Variants in NPEPPS observed in about 807,000 individuals in gnomAD.
NPEPPS encodes the protein puromycin-sensitive aminopeptidase.
NPEPPS carries 14 observed loss-of-function variants against 115.5 expected under a neutral mutation model. The observed-to-expected ratio is 0.12, with a 90% CI of 0.08 to 0.19. NPEPPS has a LOEUF of 0.19. NPEPPS is among the 10% of genes least tolerant of loss of function. NPEPPS has a pLI of 1.00. For missense variants in NPEPPS, 523 were observed against 1,110.8 expected (o/e 0.47, Z 7.52); for synonymous variants, 285 against 390.6 (o/e 0.73, Z 3.19).
At chr17:47,523,829 G>C (rs565330512) in intron 1 of NPEPPS, among the ~76,000 whole-genome samples, 15 of 152,246 alleles carry the variant, frequency 9.9e-5, no homozygotes, top group African/African-American at 3.4e-4. Context: ...GGGAAACTGA[G>C]GCAGAGAATT....
intron 13 of NPEPPS, among the ~76,000 whole-genome samples, chr17:47,597,667 C>G (rs1306204850): frequency 6.6e-6 from 1 of 152,122 alleles, no homozygotes; most frequent in Admixed American, 6.6e-5. Flanking sequence ...GCACACCCAG[C>G]CAAAGCCAAG....
intron 2 of NPEPPS, among the ~76,000 whole-genome samples, chr17:47,556,906 T>G (rs1180827966): frequency 6.6e-6 from 1 of 152,224 alleles, no homozygotes; most frequent in Admixed American, 6.5e-5. Flanking sequence ...TCTCCCAAAG[T>G]GCCGGGATTA....
At chr17:47,588,283 C>A (rs1413841029) in intron 9 of NPEPPS, among the ~76,000 whole-genome samples, 1 of 151,944 alleles carries the variant, frequency 6.6e-6, no homozygotes, top group Non-Finnish European at 1.5e-5. Context: ...AATTTCAGGC[C>A]GGGCACGGTG....
Position 47,596,395 on chromosome 17 carries a change from T to G in NPEPPS, c.1469T>G (p.Ile490Arg), listed in dbSNP as rs770562706. ...TTAGAAAATGCTAGTGGTAAACCTA[T>G]AGCAGCTGTGATGAATACCTGGACC... ...ESLENASGKP[I>R]AAVMNTWTKQ... is the part of the protein sequence containing the mutation. The change falls in exon 13 of 23, where the codon ATA becomes AGA. Residue 490 changes from isoleucine (I) to arginine (R), a missense_variant. By Grantham distance (97) the Ile-to-Arg change is moderately conservative (BLOSUM62 -3). Around this residue, in one of 4 missense-constraint regions of NPEPPS, gnomAD observed 372 missense variants for 542.6 expected, o/e 0.69. Coordinates refer to ENST00000322157, the MANE Select transcript of NPEPPS (RefSeq NM_006310.4). The G allele has an allele frequency of 6.3e-7, 1 of 1,598,122 alleles. No homozygotes were observed. Among genetic ancestry groups the G allele is most frequent in the Non-Finnish European group, 8.5e-7 (1 of 1,171,854 alleles).
intron 17 of NPEPPS, among the ~76,000 whole-genome samples, chr17:47,611,048 T>A (rs1350653231): frequency 2.0e-5 from 3 of 150,012 alleles, no homozygotes; most frequent in African/African-American, 7.4e-5. Flanking sequence ...GAGACAGGGT[T>A]TCACCATGTT....
At position 47,623,049 on chromosome 17, in the gene NPEPPS, G is replaced by T; in HGVS notation, c.*1129G>T. The stretch of plus-strand genomic sequence containing the variant: ...AAGCCTCACCTATTTAATCCAATGA[G>T]TTTTAAATCTAAATCTCATTCCCTT... On this transcript the variant is annotated 3_prime_UTR_variant, in exon 23 of 23. Coordinates refer to ENST00000322157, the MANE Select transcript of NPEPPS (RefSeq NM_006310.4). The T allele has an allele frequency of 6.1e-6, 2 of 326,796 alleles. No individual in the cohort carries two copies. The highest frequency in any genetic ancestry group is 1.2e-5 in the Non-Finnish European group (2 of 165,122). The allele number at this position is 326,796 out of a possible 1,614,324, so 20.2% of individuals were successfully genotyped here. A position where few individuals can be genotyped will look rare whatever the true frequency, so the allele number is the denominator to read the frequency against.
intron 17 of NPEPPS, among the ~76,000 whole-genome samples, chr17:47,606,229 G>A (rs898854513): frequency 6.6e-6 from 1 of 151,994 alleles, no homozygotes; most frequent in Non-Finnish European, 1.5e-5. Context: ...TTTTAATTAA[G>A]GAAATTATTT....
At position 47,533,242 on chromosome 17, in the gene NPEPPS, A is replaced by G. The variant is rs541710737; in HGVS notation, c.255+1687A>G. Among the ~76,000 whole-genome samples, 33 of 152,286 alleles carry G rather than the reference A, an allele frequency of 2.2e-4. No homozygotes were observed. In the South Asian group the frequency reaches 6.8e-3, roughly 32 times the overall value. On this transcript the variant is annotated intron_variant, in intron 1 of 22. Coordinates refer to ENST00000322157, the MANE Select transcript of NPEPPS (RefSeq NM_006310.4). Reference sequence around the variant, plus strand: ...GGCTCTAGGATTTGGCAGCATCAAAAGGCAGAACTTAGTGAAAATCAGGTG... The same window carrying G: ...GGCTCTAGGATTTGGCAGCATCAAAGGGCAGAACTTAGTGAAAATCAGGTG...
At chr17:47,545,822 C>T in intron 1 of NPEPPS, 87 bp from the exon 2 acceptor site, 2 of 1,468,408 alleles carry the variant, frequency 1.4e-6, no homozygotes, top group Non-Finnish European at 1.8e-6. Context: ...GCTGGGATTA[C>T]AGGTGTGTGC....
At chr17:47,543,464 C>T (rs1404044644) in intron 1 of NPEPPS, among the ~76,000 whole-genome samples, 17 of 149,804 alleles carry the variant, frequency 1.1e-4, no homozygotes, top group Non-Finnish European at 2.1e-4. Flanking sequence ...ATTACAGGCG[C>T]GCACCACAGG....
chr17:47,557,240 G>A (rs1243750339), intron 2 of NPEPPS, among the ~76,000 whole-genome samples: 1 of 151,908 alleles, frequency 6.6e-6, no homozygotes, highest in Non-Finnish European at 1.5e-5. Flanking sequence ...ACCACACCCA[G>A]CTAATTTTTG....
At chr17:47,597,364 A>C (rs992094496) in intron 13 of NPEPPS, among the ~76,000 whole-genome samples, 1 of 152,234 alleles carries the variant, frequency 6.6e-6, no homozygotes, top group Non-Finnish European at 1.5e-5. Flanking sequence ...ACTCGGTTTC[A>C]TTAAATGAAA....
chr17:47,563,908 G>A (rs1248410129), intron 2 of NPEPPS, among the ~76,000 whole-genome samples: 1 of 150,560 alleles, frequency 6.6e-6, no homozygotes, highest in African/African-American at 2.4e-5. Flanking sequence ...GAACTGTGCT[G>A]TGTGTTTTAT....
chr17:47,623,040 A>T lies in NPEPPS; in HGVS notation c.*1120A>T. ...TATCCTAATAAGCCTCACCTATTTA[A>T]TCCAATGAGTTTTAAATCTAAATCT... is the stretch of plus-strand genomic sequence containing the variant. On this transcript the variant is annotated 3_prime_UTR_variant, in exon 23 of 23. Transcript: ENST00000322157. 1 of 359,058 alleles carries T rather than the reference A, an allele frequency of 2.8e-6. No individual in the cohort carries two copies. The highest frequency in any genetic ancestry group is 5.5e-6 in the Non-Finnish European group (1 of 181,524). 22.2% of individuals were successfully genotyped at this position (359,058 alleles called of 1,614,324 possible). A position where few individuals can be genotyped will look rare whatever the true frequency, so the allele number is the denominator to read the frequency against.
At chr17:47,570,278 C>G (rs1047542507) in intron 3 of NPEPPS, among the ~76,000 whole-genome samples, 1 of 151,932 alleles carries the variant, frequency 6.6e-6, no homozygotes, top group African/African-American at 2.4e-5. Flanking sequence ...CAAAAATTAC[C>G]CAGTGTGGTG....
intron 2 of NPEPPS, among the ~76,000 whole-genome samples, chr17:47,568,695 G>C (rs1309444182): frequency 6.6e-6 from 1 of 151,416 alleles, no homozygotes; most frequent in Admixed American, 6.6e-5. Context: ...CTCTGTTGTT[G>C]TTTAGGCTGG....
At chr17:47,541,106 C>G (rs887871372) in intron 1 of NPEPPS, among the ~76,000 whole-genome samples, 8 of 152,108 alleles carry the variant, frequency 5.3e-5, no homozygotes, top group Non-Finnish European at 7.4e-5. Flanking sequence ...CAAATACTTT[C>G]TCTCGAATGG....
chr17:47,621,740 T>G (rs908914050), intron 22 of NPEPPS, 28 bp from the exon 23 acceptor site: 3 of 1,584,840 alleles, frequency 1.9e-6, no homozygotes, highest in Non-Finnish European at 2.6e-6. Flanking sequence ...CTAGTAATGA[T>G]CCTGCATTCT....
intron 3 of NPEPPS, among the ~76,000 whole-genome samples, chr17:47,573,327 AC>A (rs1305018262): frequency 2.0e-5 from 3 of 152,200 alleles, no homozygotes; most frequent in Non-Finnish European, 4.4e-5. Flanking sequence ...TCCTAGACTT[AC>A]CATTAGGAAC....
Sources: allele counts gnomAD v4.1 joint callset (sites outside exome capture counted in the v4.1 genomes callset), GRCh38; gene constraint gnomAD v4.1.1; regional missense constraint gnomAD v4.1.1; transcripts MANE v1.5; gene names NCBI Gene and HGNC (gene_info 2026-07-23, HGNC 2026-07-21).